ANK2: variants seen among roughly 807,000 people sequenced by gnomAD.
The protein encoded by ANK2 is ankyrin 2, also known as ankyrin-2.
A neutral mutation model predicts 360.5 loss-of-function variants in ANK2; 83 were observed. The observed-to-expected ratio is 0.23, with a 90% CI of 0.19 to 0.28. The LOEUF (loss-of-function observed/expected upper bound fraction) is 0.28. ANK2 is among the 10% of genes least tolerant of loss of function. The pLI is 1.00. For missense variants in ANK2, 4,201 were observed against 4,795.7 expected, an observed-to-expected ratio of 0.88 and a Z score of 3.66; for synonymous variants, 1,740 against 1,759.5, an observed-to-expected ratio of 0.99 and a Z score of 0.28.
rs753063506 is a variant in ANK2 at position 113,353,661 on chromosome 4, C to T, written c.5043C>T (p.Asp1681=). Reference sequence around the variant, plus strand: ...GGAGCTCTGAAAAGGAAGGGAAAGACATACCCCCAGATGAGACACAGAGTA... The same window carrying T: ...GGAGCTCTGAAAAGGAAGGGAAAGATATACCCCCAGATGAGACACAGAGTA... ...VGRSSEKEGK[D]IPPDETQSTQ... Residue 1681 remains aspartate (D), a synonymous_variant, in exon 38 of 46, where the codon GAC becomes GAT. Coordinates refer to ENST00000357077, the MANE Select transcript of ANK2 (RefSeq NM_001148.6). 4 of 1,614,044 alleles carry T rather than the reference C, an allele frequency of 2.5e-6. No individual in the cohort carries two copies. The highest frequency in any genetic ancestry group is 2.2e-5 in the South Asian group (2 of 91,086).
At chr4:113,123,714 A>G (rs1396145657) in intron 1 of ANK2, among the ~76,000 whole-genome samples, 1 of 152,148 alleles carries the variant, frequency 6.6e-6, no homozygotes, top group African/African-American at 2.4e-5. Context: ...TGGAAGGGAA[A>G]AGAGACCATA....
At chr4:113,089,293 G>C (rs1475256392) in intron 1 of ANK2, among the ~76,000 whole-genome samples, 1 of 152,180 alleles carries the variant, frequency 6.6e-6, no homozygotes, top group Non-Finnish European at 1.5e-5. Flanking sequence ...ATTGTGTTAT[G>C]TTGTATTATT....
intron 1 of ANK2, among the ~76,000 whole-genome samples, chr4:113,164,454 A>G (rs918303227): frequency 6.6e-6 from 1 of 152,244 alleles, no homozygotes; most frequent in South Asian, 2.1e-4. Flanking sequence ...GAATAATTTA[A>G]TACTAAACAA....
chr4:112,970,221 C>A (rs1458844909), intron 2 of ANK2, among the ~76,000 whole-genome samples: 1 of 151,850 alleles, frequency 6.6e-6, no homozygotes, highest in Non-Finnish European at 1.5e-5. Context: ...CTGCCTGCCT[C>A]GGCCTCCCAA....
chr4:113,146,312 C>CT (rs1582994349), intron 1 of ANK2, among the ~76,000 whole-genome samples: 3 of 152,200 alleles, frequency 2.0e-5, no homozygotes, highest in Admixed American at 6.5e-5. Flanking sequence ...TATAGAGTGA[C>CT]TTTCAGCAAT....
In ANK2 at chr4:112,893,313, C is replaced by A. The variant is rs1395077883; in HGVS notation, c.-39-11142C>A. Among the ~76,000 whole-genome samples, 4 of 151,534 alleles carry A rather than the reference C, an allele frequency of 2.6e-5. No homozygotes were observed. The East Asian group carries it at 7.7e-4, about 29-fold the overall frequency. On this transcript the variant is annotated intron_variant, in intron 1 of 30. Transcript: ENST00000503271. Reference sequence around the variant, plus strand: ...GGGACCACAGGTGCATGCCACCACACCTGGTTAATTTTTTAAAAAAATATT... The same window carrying A: ...GGGACCACAGGTGCATGCCACCACAACTGGTTAATTTTTTAAAAAAATATT...
chr4:113,047,330 T>C (rs948060519), upstream of ANK2, among the ~76,000 whole-genome samples: 4 of 152,216 alleles, frequency 2.6e-5, no homozygotes, highest in Non-Finnish European at 4.4e-5. Flanking sequence ...TTATTTTTGT[T>C]TACCACCTAG....
At chr4:113,318,387 G>A in intron 25 of ANK2, 130 bp from the exon 26 acceptor site, 1 of 721,328 alleles carries the variant, frequency 1.4e-6, no homozygotes, top group Non-Finnish European at 2.4e-6. Context: ...AAATACATTG[G>A]TTTTATATTT....
At chr4:113,242,301 C>G in intron 9 of ANK2, 92 bp downstream of exon 9, 1 of 1,107,776 alleles carries the variant, frequency 9.0e-7, no homozygotes, top group Non-Finnish European at 1.4e-6. Context: ...TTAACATAAG[C>G]AATGTGTTTT....
chr4:113,210,208 T>C (rs2099005249), intron 4 of ANK2, among the ~76,000 whole-genome samples: 1 of 152,204 alleles, frequency 6.6e-6, no homozygotes, highest in Non-Finnish European at 1.5e-5. Flanking sequence ...TTGGGGAGCC[T>C]GCAGGTCCCT....
At position 113,233,106 on chromosome 4, in the gene ANK2, G is replaced by GTTTTTTTTTTTTT. The variant is rs1156385030; in HGVS notation, c.483+881_483+893dup. Among the ~76,000 whole-genome samples, 22 of 79,690 alleles carry GTTTTTTTTTTTTT rather than the reference G, an allele frequency of 2.8e-4. 1 individual carries two copies. The highest frequency in any genetic ancestry group is 4.3e-4 in the Non-Finnish European group (17 of 39,846). 52.3% of individuals were successfully genotyped at this position (79,690 alleles called of 152,430 possible). A position where few individuals can be genotyped will look rare whatever the true frequency, so the allele number is the denominator to read the frequency against. ...CAGAGTATATGGGCTTGGCTTTTCT[G>GTTTTTTTTTTTTT]TTTTTTTTTTTTTTTTTTTTTTTTT... is the stretch of plus-strand genomic sequence containing the variant. On this transcript the variant is annotated intron_variant, in intron 5 of 45. Transcript: ENST00000357077.
At chr4:113,118,542 A>G (rs1318336371) in intron 1 of ANK2, among the ~76,000 whole-genome samples, 2 of 152,174 alleles carry the variant, frequency 1.3e-5, no homozygotes, top group Non-Finnish European at 2.9e-5. Flanking sequence ...TCAGTTTACT[A>G]CTTATCTCAC....
the ANK2 span, among the ~76,000 whole-genome samples, chr4:112,757,112 C>CTTTTTTT: frequency 7.4e-6 from 1 of 135,326 alleles, no homozygotes; most frequent in East Asian, 2.1e-4. Flanking sequence ...CTTTTCTTTT[C>CTTTTTTT]TTTTTTTTTT....
At chr4:113,233,159 G>T (rs1322146643) in intron 5 of ANK2, among the ~76,000 whole-genome samples, 3 of 89,346 alleles carry the variant, frequency 3.4e-5, no homozygotes, top group Admixed American at 3.7e-4. Context: ...TTTTGAGACG[G>T]AGTCTCGCTC....
chr4:112,712,999 C>A, the ANK2 span, among the ~76,000 whole-genome samples: 1 of 152,176 alleles, frequency 6.6e-6, no homozygotes, highest in East Asian at 1.9e-4. Context: ...GCTAATCCTA[C>A]TGTAGTCAAA....
rs183893919 is a variant in ANK2, at chr4:113,073,116, C to T, written c.84+23304C>T. ...AGCTGGGATTACAGGCGCCCACCACCATGCCTGGCTAGTTTTTGTATTTTT... is the reference window on the plus strand; with the variant it reads ...AGCTGGGATTACAGGCGCCCACCACTATGCCTGGCTAGTTTTTGTATTTTT... On this transcript the variant is annotated intron_variant, in intron 1 of 45. Transcript: ENST00000357077. Among the ~76,000 whole-genome samples the T allele has an allele frequency of 1.1e-3, 171 of 151,898 alleles. 1 individual carries two copies. Among genetic ancestry groups the T allele is most frequent in the African/African-American group, 3.8e-3 (158 of 41,432 alleles).
intron 2 of ANK2, among the ~76,000 whole-genome samples, chr4:112,982,404 A>G (rs2043370644): frequency 6.6e-6 from 1 of 152,230 alleles, no homozygotes; most frequent in African/African-American, 2.4e-5. Flanking sequence ...AAGAATATGA[A>G]TTTAGCCAAT....
At chr4:112,904,492 A>G (rs760359014) in exon 2 of ANK2, 4 of 1,508,570 alleles carry the variant, frequency 2.7e-6, no homozygotes, top group Non-Finnish European at 3.6e-6. Context: ...TTGGTATTTC[A>G]AATGACCACC....
At chr4:113,056,818 G>A (rs947701364) in intron 1 of ANK2, among the ~76,000 whole-genome samples, 6 of 152,152 alleles carry the variant, frequency 3.9e-5, no homozygotes, top group Non-Finnish European at 8.8e-5. Flanking sequence ...AGTCTACAGG[G>A]TGAGCATCTT....
Sources: gnomAD v4.1 joint callset for allele counts (sites outside exome capture counted in the v4.1 genomes callset) on GRCh38, gnomAD v4.1.1 for gene constraint, MANE v1.5 for transcripts, NCBI Gene and HGNC (gene_info 2026-07-23, HGNC 2026-07-21) for gene names.